Variants in MGST2 observed in about 807,000 individuals in gnomAD.
MGST2 encodes microsomal glutathione S-transferase 2.
Under a neutral mutation model 16.6 loss-of-function variants are expected in MGST2, and 9 were observed. The observed-to-expected ratio is 0.54, with a 90% confidence interval of 0.33 to 0.95. MGST2 has a LOEUF of 0.95. Ranked by LOEUF, MGST2 falls within the 40% of genes least tolerant of loss-of-function variation. The pLI, the probability that MGST2 is intolerant of heterozygous loss-of-function variation, is 0.03. For synonymous variants in MGST2, 79 were observed against 68.0 expected, an observed-to-expected ratio of 1.16 and a Z score of -0.79; for missense variants, 159 against 175.1, an observed-to-expected ratio of 0.91 and a Z score of 0.52.
downstream of MGST2, among the ~76,000 whole-genome samples, chr4:139,707,008 A>G (rs1191547275): frequency 3.3e-5 from 5 of 152,158 alleles, no homozygotes; most frequent in East Asian, 9.6e-4. Context: ...GGGATAGAGA[A>G]GAACTTTTCT....
Position 139,665,956 on chromosome 4 carries a change from GCATT to G in MGST2, c.-61_-58del. The stretch of plus-strand genomic sequence containing the variant: ...TTTGTTTACCCGATAAGGAAGGTCA[GCATT>G]CAAAGTCAAGAAGCGCCATTTATCT... On this transcript the variant is annotated 5_prime_UTR_variant, in exon 1 of 5. Coordinates refer to ENST00000265498, the MANE Select transcript of MGST2 (RefSeq NM_002413.5). The G allele has an allele frequency of 6.5e-7, 1 of 1,530,452 alleles. No homozygotes were observed. The highest frequency in any genetic ancestry group is 1.1e-5 in the South Asian group (1 of 88,634). 94.8% of individuals were successfully genotyped at this position (1,530,452 alleles called of 1,614,324 possible).
intron 2 of MGST2, chr4:139,685,324 T>C (rs1731502452): frequency 6.2e-6 from 1 of 160,896 alleles, no homozygotes; most frequent in Admixed American, 6.6e-5. Context: ...GCACATGGAG[T>C]GGGGAGGGAG....
At chr4:139,679,319 G>C (rs1275412285) in intron 2 of MGST2, among the ~76,000 whole-genome samples, 1 of 152,110 alleles carries the variant, frequency 6.6e-6, no homozygotes, top group Non-Finnish European at 1.5e-5. Context: ...TTACCATCTT[G>C]GGATTTTTCA....
chr4:139,677,860 C>G (rs1731045059), intron 1 of MGST2, among the ~76,000 whole-genome samples: 1 of 152,168 alleles, frequency 6.6e-6, no homozygotes, highest in African/African-American at 2.4e-5. Context: ...GGGTGACTTT[C>G]TGTCCAGCAC....
chr4:139,670,238 T>C (rs1167596192), intron 1 of MGST2, among the ~76,000 whole-genome samples: 3 of 111,556 alleles, frequency 2.7e-5, no homozygotes, highest in East Asian at 5.2e-4. Flanking sequence ...TGTAATATTC[T>C]GATTTCCTTC....
chr4:139,734,021 C>CG, intron 5 of MGST2, among the ~76,000 whole-genome samples: 1 of 152,316 alleles, frequency 6.6e-6, no homozygotes, highest in South Asian at 2.1e-4. Context: ...GACTGCCTTC[C>CG]ATACGAAACA....
intron 2 of MGST2, among the ~76,000 whole-genome samples, chr4:139,694,253 C>T (rs551656273): frequency 6.6e-6 from 1 of 151,540 alleles, no homozygotes; most frequent in South Asian, 2.1e-4. Context: ...CCTAGGTCTT[C>T]AACAACCAGC....
At chr4:139,745,286 G>A (rs1414558164), downstream of MGST2, among the ~76,000 whole-genome samples, 1 of 97,416 alleles carries the variant, frequency 1.0e-5, no homozygotes, top group African/African-American at 3.2e-5. Flanking sequence ...CTCGACCACC[G>A]TCCATCAGGA....
chr4:139,727,723 A>G (rs1298095026), intron 5 of MGST2, among the ~76,000 whole-genome samples: 1 of 152,224 alleles, frequency 6.6e-6, no homozygotes. Context: ...TTCAACCTGC[A>G]CTGCTCTGAT....
the MGST2 span, among the ~76,000 whole-genome samples, chr4:139,752,809 G>C: frequency 6.6e-6 from 1 of 152,026 alleles, no homozygotes; most frequent in Non-Finnish European, 1.5e-5. Context: ...AATTTTAAGG[G>C]AAAAAAATGT....
rs114056350 is a variant in MGST2, at chr4:139,676,984, C to A, written c.59-1559C>A. On this transcript the variant is annotated intron_variant, in intron 1 of 4. Coordinates refer to ENST00000265498, the MANE Select transcript of MGST2 (RefSeq NM_002413.5). ...TGTAAAGATCTGGAAGAAACACTTA[C>A]CATCTATTTTCTCTAAGGGGCTGCT... Among the ~76,000 whole-genome samples the A allele has an allele frequency of 6.2e-3, 948 of 152,252 alleles. 10 individuals carry two copies. The highest frequency in any genetic ancestry group is 8.7e-3 in the Non-Finnish European group (592 of 68,030).
At chr4:139,671,610 G>A (rs1332025250) in intron 1 of MGST2, among the ~76,000 whole-genome samples, 1 of 151,804 alleles carries the variant, frequency 6.6e-6, no homozygotes, top group African/African-American at 2.4e-5. Context: ...GGGACTACAG[G>A]TGCGCCACCA....
intron 2 of MGST2, 122 bp downstream of exon 2, chr4:139,678,764 T>A: frequency 1.2e-6 from 1 of 803,712 alleles, no homozygotes; most frequent in South Asian, 1.5e-5. Context: ...TTATAACAAG[T>A]CACTCTTCAC....
intron 5 of MGST2, among the ~76,000 whole-genome samples, chr4:139,727,270 T>C (rs1728510302): frequency 6.6e-6 from 1 of 152,236 alleles, no homozygotes; most frequent in South Asian, 2.1e-4. Context: ...CTGTTGAAAT[T>C]AATTGATTGT....
At chr4:139,689,150 G>A (rs918873755) in intron 2 of MGST2, among the ~76,000 whole-genome samples, 3 of 149,488 alleles carry the variant, frequency 2.0e-5, no homozygotes, top group African/African-American at 4.9e-5. Flanking sequence ...AAATGACAGA[G>A]TGACTCTGTG....
intron 5 of MGST2, chr4:139,731,027 C>G (rs759114196): frequency 7.7e-6 from 2 of 258,910 alleles, no homozygotes; most frequent in African/African-American, 4.3e-5. Context: ...GTCTGGAACA[C>G]GAGACACATC....
At chr4:139,708,999 CAAAA>C (rs36036249), downstream of MGST2, among the ~76,000 whole-genome samples, 1 of 102,586 alleles carries the variant, frequency 9.7e-6, no homozygotes, top group South Asian at 3.7e-4. Context: ...AACTCCGTCT[CAAAA>C]AAAAAAAAAA....
chr4:139,679,296 T>C (rs927058069), intron 2 of MGST2, among the ~76,000 whole-genome samples: 1 of 152,212 alleles, frequency 6.6e-6, no homozygotes, highest in Admixed American at 6.5e-5. Context: ...TGATATATCA[T>C]TGGGTTCTTT....
chr4:139,753,500 T>G, the MGST2 span, among the ~76,000 whole-genome samples: 1 of 152,000 alleles, frequency 6.6e-6, no homozygotes, highest in Non-Finnish European at 1.5e-5. Context: ...TAAAGATGAG[T>G]TTCAGAGGCT....
Sources: allele counts gnomAD v4.1 joint callset (sites outside exome capture counted in the v4.1 genomes callset), GRCh38; gene constraint gnomAD v4.1.1; transcripts MANE v1.5; gene names NCBI Gene and HGNC (gene_info 2026-07-23, HGNC 2026-07-21).